Variants in CCSER1 observed in about 807,000 individuals in gnomAD.
CCSER1 encodes serine-rich coiled-coil domain-containing protein 1.
Under a neutral mutation model 82.0 loss-of-function variants are expected in CCSER1, and 41 were observed. That is an observed-to-expected ratio of 0.50 (90% CI 0.39 to 0.65). The LOEUF (loss-of-function observed/expected upper bound fraction) is 0.65. CCSER1 is among the 30% of genes least tolerant of loss of function. The pLI is 0.00. For synonymous variants in CCSER1, 414 were observed against 383.9 expected (o/e 1.08, Z -0.92); for missense variants, 1,119 against 1,064.2 (o/e 1.05, Z -0.72).
Position 90,426,293 on chromosome 4 carries a change from A to T in CCSER1, c.1603+26164A>T, listed in dbSNP as rs190353452. Among the ~76,000 whole-genome samples, 46 of 152,316 alleles carry T rather than the reference A, an allele frequency of 3.0e-4. No homozygotes were observed. In the East Asian group the frequency reaches 8.7e-3, roughly 29 times the overall value. On this transcript the variant is annotated intron_variant, in intron 4 of 10. Coordinates refer to ENST00000509176, the MANE Select transcript of CCSER1 (RefSeq NM_001145065.2). ...AACAAAATAGAGCTGATACTCATTGATTTATTTGAAGTATTAATATTTGTC... is the reference window on the plus strand; with the variant it reads ...AACAAAATAGAGCTGATACTCATTGTTTTATTTGAAGTATTAATATTTGTC...
At chr4:90,289,264 C>G (rs1296513046) in intron 1 of CCSER1, among the ~76,000 whole-genome samples, 1 of 151,768 alleles carries the variant, frequency 6.6e-6, no homozygotes, top group African/African-American at 2.4e-5. Context: ...ATTTTAAGCC[C>G]ACTTAGAGCA....
intron 10 of CCSER1, among the ~76,000 whole-genome samples, chr4:91,286,250 A>G (rs781575229): frequency 4.6e-5 from 7 of 151,828 alleles, no homozygotes; most frequent in Non-Finnish European, 8.8e-5. Flanking sequence ...AGCACTGTAT[A>G]GCTTTTAATT....
chr4:90,812,441 G>T lies in CCSER1; in HGVS notation c.2011-3321G>T, dbSNP rs138835483. Among the ~76,000 whole-genome samples the T allele has an allele frequency of 5.4e-4, 82 of 152,296 alleles. 2 individuals are homozygous for T. The East Asian group carries it at 0.014, about 26-fold the overall frequency. The stretch of plus-strand genomic sequence containing the variant: ...GATGTGGATATATTGTGTACATTGA[G>T]GTCGTGGTTGGGTGTACATGCAGAG... On this transcript the variant is annotated intron_variant, in intron 7 of 10. Transcript: ENST00000509176.
intron 1 of CCSER1, among the ~76,000 whole-genome samples, chr4:90,194,995 C>T (rs1334545004): frequency 6.6e-6 from 1 of 152,028 alleles, no homozygotes; most frequent in Non-Finnish European, 1.5e-5. Context: ...AATTAGTTTG[C>T]ATTGCCTGTG....
chr4:91,546,065 G>A (rs1303044224), intron 10 of CCSER1, among the ~76,000 whole-genome samples: 1 of 151,486 alleles, frequency 6.6e-6, no homozygotes, highest in East Asian at 1.9e-4. Flanking sequence ...TCTTTTGCCT[G>A]CTGGTATGAT....
At chr4:90,951,602 A>G (rs1732920211) in intron 9 of CCSER1, among the ~76,000 whole-genome samples, 1 of 152,114 alleles carries the variant, frequency 6.6e-6, no homozygotes, top group South Asian at 2.1e-4. Flanking sequence ...AACATGATAA[A>G]AAATGTACGA....
chr4:90,588,629 C>T (rs1425521139), intron 5 of CCSER1, among the ~76,000 whole-genome samples: 2 of 152,174 alleles, frequency 1.3e-5, no homozygotes, highest in Non-Finnish European at 2.9e-5. Flanking sequence ...CACAGAATCT[C>T]ATCTTGAATT....
At chr4:91,057,097 A>G (rs1743518378) in intron 9 of CCSER1, among the ~76,000 whole-genome samples, 1 of 152,182 alleles carries the variant, frequency 6.6e-6, no homozygotes, top group South Asian at 2.1e-4. Context: ...ATCAGCAAGT[A>G]GAACAAAGAT....
intron 10 of CCSER1, among the ~76,000 whole-genome samples, chr4:91,391,874 A>G (rs1341978191): frequency 6.6e-6 from 1 of 152,112 alleles, no homozygotes; most frequent in Non-Finnish European, 1.5e-5. Context: ...TTCAACCTCT[A>G]AGATCATACT....
At position 91,054,916 on chromosome 4, in the gene CCSER1, C is replaced by T. The variant is rs567336003; in HGVS notation, c.2173-31034C>T. Reference sequence around the variant, plus strand: ...GAGATACTTAACCTGTAGCTGGATTCTGTTTTTCAACCCATTTTGCCAATC... The same window carrying T: ...GAGATACTTAACCTGTAGCTGGATTTTGTTTTTCAACCCATTTTGCCAATC... On this transcript the variant is annotated intron_variant, in intron 9 of 10. Transcript: ENST00000509176. Among the ~76,000 whole-genome samples, 3 of 152,210 alleles carry T rather than the reference C, an allele frequency of 2.0e-5. No homozygotes were observed. The East Asian group carries it at 5.8e-4, about 29-fold the overall frequency.
intron 9 of CCSER1, among the ~76,000 whole-genome samples, chr4:90,943,758 T>TTTTTTTTTTTTTG (rs1731887992): frequency 1.1e-5 from 1 of 94,488 alleles, no homozygotes; most frequent in Non-Finnish European, 2.2e-5. Context: ...TTTTTTTTTT[T>TTTTTTTTTTTTTG]GGAGATGGGG....
chr4:90,225,059 CT>C (rs148772182), intron 1 of CCSER1, among the ~76,000 whole-genome samples: 41 of 148,314 alleles, frequency 2.8e-4, no homozygotes, highest in South Asian at 6.5e-4. Context: ...AAATGACTTC[CT>C]TTTTTTTTTC....
intron 9 of CCSER1, among the ~76,000 whole-genome samples, chr4:90,929,663 G>C (rs1729486384): frequency 6.6e-6 from 1 of 152,128 alleles, no homozygotes; most frequent in South Asian, 2.1e-4. Context: ...AAAACAGCAA[G>C]GCTAGATGTC....
chr4:90,828,034 C>T (rs1035682434), intron 8 of CCSER1, among the ~76,000 whole-genome samples: 2 of 152,058 alleles, frequency 1.3e-5, no homozygotes, highest in African/African-American at 4.8e-5. Flanking sequence ...TGTGTGGTGC[C>T]GACTTCTTGT....
chr4:90,809,356 C>G (rs1200997788), intron 7 of CCSER1, among the ~76,000 whole-genome samples: 1 of 151,814 alleles, frequency 6.6e-6, no homozygotes. Context: ...ACACACAGCA[C>G]ACACTGTGGA....
chr4:91,319,071 C>G, intron 10 of CCSER1: 1 of 260,300 alleles, frequency 3.8e-6, no homozygotes, highest in Non-Finnish European at 7.9e-6. Context: ...ATCTCCAGAA[C>G]TTGGTAAGGA....
At chr4:90,385,364 C>CT (rs530190805) in intron 3 of CCSER1, among the ~76,000 whole-genome samples, 211 of 136,136 alleles carry the variant, frequency 1.5e-3, no homozygotes, top group East Asian at 0.014. Context: ...ATAAGTGTTC[C>CT]TTTTTTTTTT....
At chr4:91,575,594 T>G (rs7699803) in intron 10 of CCSER1, among the ~76,000 whole-genome samples, 11,263 of 152,042 alleles carry the variant, frequency 0.074, 475 homozygotes, top group African/African-American at 0.11. Context: ...ACCAAATATC[T>G]ATCAAAATTC....
chr4:90,628,771 C>T (rs1298725788), intron 6 of CCSER1, among the ~76,000 whole-genome samples: 2 of 152,084 alleles, frequency 1.3e-5, no homozygotes, highest in Non-Finnish European at 2.9e-5. Flanking sequence ...GTGAGCTAGT[C>T]AGGAAAATGC....
Sources: allele counts gnomAD v4.1 joint callset (sites outside exome capture counted in the v4.1 genomes callset), GRCh38; gene constraint gnomAD v4.1.1; transcripts MANE v1.5; gene names NCBI Gene and HGNC (gene_info 2026-07-23, HGNC 2026-07-21).